The following CCDC171 variants were observed in gnomAD, a reference collection of about 807,000 sequenced individuals.
CCDC171 encodes coiled-coil domain-containing protein 171.
CCDC171 carries 177 observed loss-of-function variants against 168.2 expected under a neutral mutation model. That is an observed-to-expected ratio of 1.05 (90% CI 0.93 to 1.19). The LOEUF is 1.19. CCDC171 is among the 50% of genes most tolerant of loss of function. The probability of loss-of-function intolerance (pLI) is 0.00; values close to 1 mark genes in which losing one functional copy is unlikely to be tolerated. For missense variants in CCDC171, 1,991 were observed against 1,539.0 expected (o/e 1.29, Z -4.91); for synonymous variants, 687 against 540.8 (o/e 1.27, Z -3.75).
chr9:16,057,586 G>A (rs543931226), intron 1 of CCDC171, among the ~76,000 whole-genome samples: 5 of 152,144 alleles, frequency 3.3e-5, no homozygotes, highest in Non-Finnish European at 5.9e-5. Flanking sequence ...TGCACCTTTA[G>A]GCTTTCCATG....
intron 25 of CCDC171, among the ~76,000 whole-genome samples, chr9:15,955,027 C>G (rs1829645217): frequency 1.3e-5 from 2 of 152,046 alleles, no homozygotes; most frequent in Admixed American, 1.3e-4. Flanking sequence ...TTGTTGAAAA[C>G]TGAACATTTG....
At chr9:15,716,653 C>T (rs2053109436) in intron 11 of CCDC171, among the ~76,000 whole-genome samples, 1 of 152,038 alleles carries the variant, frequency 6.6e-6, no homozygotes, top group Admixed American at 6.6e-5. Flanking sequence ...ATTGAGGGGC[C>T]AACATCTGGT....
intron 22 of CCDC171, 30 bp from the exon 23 acceptor site, chr9:15,848,863 T>C: frequency 7.2e-7 from 1 of 1,379,578 alleles, no homozygotes; most frequent in Non-Finnish European, 1.0e-6. Context: ...GTTTGAGTTT[T>C]ACTAACACTT....
chr9:15,787,280 T>C (rs1032136443), intron 21 of CCDC171, among the ~76,000 whole-genome samples: 14 of 152,078 alleles, frequency 9.2e-5, no homozygotes, highest in African/African-American at 2.9e-4. Flanking sequence ...TACATTATTA[T>C]TAACTGTACT....
At position 15,671,311 on chromosome 9, in the gene CCDC171, C is replaced by A. The variant is rs148671193; in HGVS notation, c.1076+4988C>A. 1.9e-3 allele frequency among the ~76,000 whole-genome samples: 282 copies of A among 152,066 alleles called. 2 individuals carry two copies. The highest frequency in any genetic ancestry group is 6.4e-3 in the African/African-American group (264 of 41,510). On this transcript the variant is annotated intron_variant, in intron 9 of 25. Coordinates refer to ENST00000380701, the MANE Select transcript of CCDC171 (RefSeq NM_173550.4). ...TGTTCCTCCTGGACTCTTCTGTCTA[C>A]TTTTTCCAGTCTGGAAAAGTTTTTT...
At chr9:15,767,776 C>T (rs2135213110) in intron 18 of CCDC171, among the ~76,000 whole-genome samples, 1 of 149,066 alleles carries the variant, frequency 6.7e-6, no homozygotes, top group South Asian at 2.2e-4. Flanking sequence ...CCTTTCTGTT[C>T]AGTGTTTGTG....
the CCDC171 span, among the ~76,000 whole-genome samples, chr9:16,090,909 C>G: frequency 2.0e-5 from 3 of 152,310 alleles, 1 homozygote; most frequent in East Asian, 5.8e-4. Flanking sequence ...AAGTAATTCT[C>G]GAAAGTTGAG....
chr9:16,100,816 C>G, the CCDC171 span, among the ~76,000 whole-genome samples: 5 of 152,216 alleles, frequency 3.3e-5, no homozygotes, highest in African/African-American at 1.2e-4. Context: ...CCCCGCCCCC[C>G]ACCAAGGGCA....
At chr9:16,097,711 C>A in the CCDC171 span, among the ~76,000 whole-genome samples, 7 of 152,200 alleles carry the variant, frequency 4.6e-5, no homozygotes, top group Admixed American at 3.3e-4. Flanking sequence ...GCAAGCCTTG[C>A]TAAGACTGCC....
rs2044744686 is a variant in CCDC171 at position 15,623,504 on chromosome 9, CACAT to C, written c.822+93_822+96del. Reference sequence around the variant, plus strand: ...ACACACACACACACACACACACACACACATAAAACCCATTCCGTGATTTAAGATT... The same window carrying C: ...ACACACACACACACACACACACACACAAAACCCATTCCGTGATTTAAGATT... On this transcript the variant is annotated intron_variant, in intron 7 of 25. Coordinates refer to ENST00000380701, the MANE Select transcript of CCDC171 (RefSeq NM_173550.4). The C allele has an allele frequency of 9.0e-6, 6 of 669,094 alleles. No homozygotes were observed. The South Asian group carries it at 1.8e-4, about 20-fold the overall frequency. 41.4% of individuals were successfully genotyped at this position (669,094 alleles called of 1,614,324 possible). A position where few individuals can be genotyped will look rare whatever the true frequency, so the allele number is the denominator to read the frequency against.
the CCDC171 span, among the ~76,000 whole-genome samples, chr9:16,095,285 G>A: frequency 6.6e-6 from 1 of 152,148 alleles, no homozygotes; most frequent in Non-Finnish European, 1.5e-5. Flanking sequence ...GTGAGCATGG[G>A]CTGCTTTGCA....
chr9:15,883,088 G>C, intron 24 of CCDC171: 1 of 403,940 alleles, frequency 2.5e-6, no homozygotes, highest in Non-Finnish European at 4.8e-6. Context: ...GAGTGCAGTG[G>C]TGTGATCATA....
rs186956107 is a variant in CCDC171, at chr9:15,637,973, G to C, written c.822+14560G>C. ...ATAACAGCATGATTTATAGTCCTTT[G>C]GGTATATACCCAGTAATGGGATGGC... On this transcript the variant is annotated intron_variant, in intron 7 of 25. Coordinates refer to ENST00000380701, the MANE Select transcript of CCDC171 (RefSeq NM_173550.4). Among the ~76,000 whole-genome samples, 816 of 152,098 alleles carry C rather than the reference G, an allele frequency of 5.4e-3. 5 individuals carry two copies. The highest frequency in any genetic ancestry group is 7.4e-3 in the Non-Finnish European group (501 of 67,994).
intron 20 of CCDC171, 84 bp downstream of exon 20, chr9:15,779,234 A>C (rs1200406600): frequency 1.3e-6 from 1 of 774,074 alleles, no homozygotes; most frequent in East Asian, 3.3e-5. Context: ...AACTTTTGTT[A>C]TGTGTGGTTT....
chr9:15,884,409 G>A (rs1819115947), intron 24 of CCDC171, among the ~76,000 whole-genome samples: 1 of 152,072 alleles, frequency 6.6e-6, no homozygotes, highest in Non-Finnish European at 1.5e-5. Context: ...TTCAATTTCA[G>A]GTTAATATTT....
At chr9:15,555,283 T>G (rs570625393) in intron 1 of CCDC171, among the ~76,000 whole-genome samples, 50 of 152,300 alleles carry the variant, frequency 3.3e-4, no homozygotes, top group African/African-American at 1.2e-3. Flanking sequence ...AAAAAAAGAT[T>G]AATCTATTAA....
chr9:15,578,859 A>G lies in CCDC171; in HGVS notation c.188A>G (p.Tyr63Cys), dbSNP rs376424195. 4.3e-6 allele frequency: 7 copies of G among 1,612,912 alleles called. No homozygotes were observed. Among genetic ancestry groups the G allele is most frequent in the Non-Finnish European group, 4.2e-6 (5 of 1,179,470 alleles). Residue 63 changes from tyrosine (Y) to cysteine (C), a missense_variant, in exon 4 of 26, where the codon TAT (tyrosine) becomes TGT (cysteine). Transcript: ENST00000380701. Reference protein sequence around the residue: ...TTKHNAELASYESQIAKLRSE... With the variant: ...TTKHNAELASCESQIAKLRSE... Reference sequence around the variant, plus strand: ...GGAATCTGTTTTTAGCTGGCAAGCTATGAGAGCCAGATTGCCAAGCTACGG... The same window carrying G: ...GGAATCTGTTTTTAGCTGGCAAGCTGTGAGAGCCAGATTGCCAAGCTACGG...
chr9:15,838,125 A>G (rs569137808), intron 21 of CCDC171, among the ~76,000 whole-genome samples: 83 of 152,286 alleles, frequency 5.5e-4, no homozygotes, highest in African/African-American at 2.0e-3. Context: ...TAATTAATGG[A>G]AATAGAAAAT....
chr9:15,656,631 CA>C (rs1172839535), intron 7 of CCDC171, among the ~76,000 whole-genome samples: 4 of 152,082 alleles, frequency 2.6e-5, no homozygotes, highest in Non-Finnish European at 4.4e-5. Flanking sequence ...AGAAGCCTGG[CA>C]ATAAAAAGCA....
Sources: gnomAD v4.1 joint callset for allele counts (sites outside exome capture counted in the v4.1 genomes callset) on GRCh38, gnomAD v4.1.1 for gene constraint, MANE v1.5 for transcripts, NCBI Gene and HGNC (gene_info 2026-07-23, HGNC 2026-07-21) for gene names.